DLGAP1: variants seen among roughly 807,000 people sequenced by gnomAD.
DLGAP1 encodes the protein DLG associated protein 1.
In DLGAP1, 11 loss-of-function variants were observed where a neutral mutation model predicts 90.8. The ratio of observed to expected loss-of-function variants is 0.12; its 90% confidence interval spans 0.08 to 0.20. The LOEUF (loss-of-function observed/expected upper bound fraction) is 0.20, where lower values mean the gene tolerates loss of function less well. Among genes scored for constraint, DLGAP1 ranks in the 10% least tolerant of loss-of-function variants. The pLI, the probability that DLGAP1 is intolerant of heterozygous loss-of-function variation, is 1.00. For synonymous variants in DLGAP1, 558 were observed against 540.7 expected (o/e 1.03, Z -0.44); for missense variants, 1,050 against 1,333.8 (o/e 0.79, Z 3.31).
Position 4,078,972 on chromosome 18 carries a change from A to G in DLGAP1, c.-159+72208T>C, listed in dbSNP as rs2075564333. Among the ~76,000 whole-genome samples, 2 of 152,320 alleles carry G rather than the reference A, an allele frequency of 1.3e-5. 1 individual carries two copies. Among genetic ancestry groups the G allele is most frequent in the South Asian group, 4.1e-4 (2 of 4,830 alleles). On this transcript the variant is annotated intron_variant, in intron 2 of 12. Coordinates refer to ENST00000315677, the MANE Select transcript of DLGAP1 (RefSeq NM_004746.4). The stretch of plus-strand genomic sequence containing the variant: ...ATTCCCAAACTTTGACTGTTTTACA[A>G]ATAGATACTCTTGTTCATAACCCTT...
At chr18:4,328,678 A>G (rs765861374) in intron 1 of DLGAP1, among the ~76,000 whole-genome samples, 1 of 151,984 alleles carries the variant, frequency 6.6e-6, no homozygotes, top group East Asian at 1.9e-4. Flanking sequence ...TACGTTTCCA[A>G]TTGCTTTGCA....
chr18:4,033,818 C>T (rs1019942620), intron 2 of DLGAP1, among the ~76,000 whole-genome samples: 1 of 151,178 alleles, frequency 6.6e-6, no homozygotes, highest in Non-Finnish European at 1.5e-5. Flanking sequence ...CGGCTCACTG[C>T]AACCTCTGCC....
chr18:4,135,790 CT>C (rs58513784), intron 2 of DLGAP1, among the ~76,000 whole-genome samples: 3,360 of 127,298 alleles, frequency 0.026, 60 homozygotes, highest in African/African-American at 0.046. Flanking sequence ...GAATCTGATT[CT>C]TTTTTTTTTT....
At chr18:3,881,129 T>C (rs1369250061) in intron 3 of DLGAP1, among the ~76,000 whole-genome samples, 2 of 124,448 alleles carry the variant, frequency 1.6e-5, no homozygotes, top group Middle Eastern at 4.0e-3. Context: ...TCTTTTCTTT[T>C]TCTTTTTTTT....
intron 4 of DLGAP1, among the ~76,000 whole-genome samples, chr18:3,835,829 A>AT (rs1428699423): frequency 6.6e-5 from 10 of 151,966 alleles, no homozygotes; most frequent in African/African-American, 2.2e-4. Context: ...GCATAGGAAG[A>AT]TTTTTCTCTC....
chr18:4,044,301 C>T (rs9952110), intron 2 of DLGAP1, among the ~76,000 whole-genome samples: 127,396 of 152,208 alleles, frequency 0.84, 53,613 homozygotes, highest in African/African-American at 0.93. Context: ...TATGGCTTCA[C>T]GTAAAAGGAG....
chr18:3,928,768 C>T (rs543220300), intron 3 of DLGAP1, among the ~76,000 whole-genome samples: 2 of 152,218 alleles, frequency 1.3e-5, no homozygotes, highest in South Asian at 4.2e-4. Flanking sequence ...TCCACTATGC[C>T]GAATTCATAT....
chr18:4,128,285 C>G (rs764274335), intron 2 of DLGAP1, among the ~76,000 whole-genome samples: 2 of 152,014 alleles, frequency 1.3e-5, no homozygotes, highest in Non-Finnish European at 2.9e-5. Flanking sequence ...GTACTATGTA[C>G]TATAAGTAAT....
intron 1 of DLGAP1, among the ~76,000 whole-genome samples, chr18:4,212,604 C>A (rs1168785226): frequency 3.6e-5 from 5 of 138,778 alleles, no homozygotes; most frequent in African/African-American, 2.6e-5. Context: ...GCACTCCAGC[C>A]TGGGTGACAG....
chr18:3,802,403 C>T (rs1032649608), intron 5 of DLGAP1, among the ~76,000 whole-genome samples: 3 of 152,244 alleles, frequency 2.0e-5, no homozygotes, highest in Non-Finnish European at 4.4e-5. Context: ...AAGGATCTTA[C>T]TTAGAAAAGT....
At chr18:3,512,423 T>C (rs2050596040) in intron 10 of DLGAP1, among the ~76,000 whole-genome samples, 1 of 152,192 alleles carries the variant, frequency 6.6e-6, no homozygotes, top group Non-Finnish European at 1.5e-5. Context: ...AATGGGATTC[T>C]TCCTATTTAA....
In DLGAP1 at chr18:4,337,764, G is replaced by T. The variant is rs144919891; in HGVS notation, c.-267+117242C>A. On this transcript the variant is annotated intron_variant, in intron 1 of 12. Coordinates refer to ENST00000315677, the MANE Select transcript of DLGAP1 (RefSeq NM_004746.4). ...CACTGAGAACATTACTGGCAGTATTGGAATATTTGAATCAAACCGCTACTT... is the reference window on the plus strand; with the variant it reads ...CACTGAGAACATTACTGGCAGTATTTGAATATTTGAATCAAACCGCTACTT... Among the ~76,000 whole-genome samples, 68 of 152,100 alleles carry T rather than the reference G, an allele frequency of 4.5e-4. 1 individual carries two copies. Among genetic ancestry groups the T allele is most frequent in the African/African-American group, 1.6e-3 (67 of 41,494 alleles).
intron 2 of DLGAP1, among the ~76,000 whole-genome samples, chr18:4,144,462 T>G (rs2076550178): frequency 6.6e-6 from 1 of 152,212 alleles, no homozygotes; most frequent in Non-Finnish European, 1.5e-5. Flanking sequence ...ATTTCCTCTC[T>G]GAGCCACAGG....
intron 10 of DLGAP1, among the ~76,000 whole-genome samples, chr18:3,519,117 G>A (rs2051016926): frequency 6.6e-6 from 1 of 152,188 alleles, no homozygotes; most frequent in Non-Finnish European, 1.5e-5. Flanking sequence ...CAGACACACA[G>A]AGGAGACAGG....
In DLGAP1 at chr18:3,659,435, G is replaced by T. The variant is rs1030378892; in HGVS notation, c.1591+69700C>A. Among the ~76,000 whole-genome samples, 62 of 52,838 alleles carry T rather than the reference G, an allele frequency of 1.2e-3. 1 individual carries two copies. Among genetic ancestry groups the T allele is most frequent in the Non-Finnish European group, 2.5e-4 (7 of 27,618 alleles). 34.7% of individuals were successfully genotyped at this position (52,838 alleles called of 152,430 possible). On this transcript the variant is annotated intron_variant, in intron 7 of 12. Transcript: ENST00000315677. ...CACACACACACACACACACACACACGGATGCTACCACCCCCCGCCGCCCCC... is the reference window on the plus strand; with the variant it reads ...CACACACACACACACACACACACACTGATGCTACCACCCCCCGCCGCCCCC...
intron 10 of DLGAP1, among the ~76,000 whole-genome samples, chr18:3,523,367 G>C (rs547101626): frequency 3.4e-5 from 5 of 147,468 alleles, no homozygotes; most frequent in Admixed American, 6.8e-5. Flanking sequence ...ACAGAGCAAG[G>C]CTCCATCTCA....
At chr18:3,621,741 T>G (rs1342574116) in intron 7 of DLGAP1, among the ~76,000 whole-genome samples, 1 of 152,258 alleles carries the variant, frequency 6.6e-6, no homozygotes, top group Non-Finnish European at 1.5e-5. Flanking sequence ...ATTCTTTGCT[T>G]AACTAAACTT....
chr18:3,816,865 G>A (rs573780823), intron 4 of DLGAP1, among the ~76,000 whole-genome samples: 1 of 152,158 alleles, frequency 6.6e-6, no homozygotes, highest in African/African-American at 2.4e-5. Context: ...TTATAGTCCC[G>A]GACACCTTTG....
intron 2 of DLGAP1, among the ~76,000 whole-genome samples, chr18:4,018,344 G>A (rs1254894090): frequency 4.6e-5 from 7 of 152,172 alleles, no homozygotes; most frequent in African/African-American, 9.7e-5. Flanking sequence ...TGTATCCCCC[G>A]CAGTGGCCAG....
Sources: allele counts gnomAD v4.1 joint callset (sites outside exome capture counted in the v4.1 genomes callset), GRCh38; gene constraint gnomAD v4.1.1; transcripts MANE v1.5; gene names NCBI Gene and HGNC (gene_info 2026-07-23, HGNC 2026-07-21).